Variants in QTMAN observed in about 807,000 individuals in gnomAD.
QTMAN encodes tRNA-queuosine alpha-mannosyltransferase.
At chr2:144,328,737 G>T in the QTMAN span, among the ~76,000 whole-genome samples, 1 of 151,994 alleles carries the variant, frequency 6.6e-6, no homozygotes, top group Admixed American at 6.6e-5. Flanking sequence ...CTACTCTACC[G>T]TACAACTGCT....
chr2:144,096,604 G>C, the QTMAN span, among the ~76,000 whole-genome samples: 1 of 152,178 alleles, frequency 6.6e-6, no homozygotes, highest in African/African-American at 2.4e-5. Context: ...CAAGTTTAAA[G>C]GTATCTAACA....
chr2:144,055,334 GACACACACACACACAC>G, the QTMAN span, among the ~76,000 whole-genome samples: 2 of 132,774 alleles, frequency 1.5e-5, no homozygotes, highest in Non-Finnish European at 3.3e-5. Flanking sequence ...CAGACACACA[GACACACACACACACAC>G]ACACACACAC....
chr2:144,107,739 C>G, the QTMAN span, among the ~76,000 whole-genome samples: 3 of 152,178 alleles, frequency 2.0e-5, no homozygotes, highest in South Asian at 2.1e-4. Flanking sequence ...AGGTATTCCT[C>G]CCTAACTCAT....
the QTMAN span, among the ~76,000 whole-genome samples, chr2:144,128,751 C>T: frequency 9.9e-5 from 15 of 151,960 alleles, no homozygotes; most frequent in South Asian, 2.1e-4. Context: ...GATACCCTTC[C>T]AGTTCTGAAA....
chr2:144,186,199 A>G, the QTMAN span, among the ~76,000 whole-genome samples: 22 of 152,242 alleles, frequency 1.4e-4, no homozygotes, highest in Admixed American at 3.3e-4. Context: ...TATTAGAGGT[A>G]CACACCTTAA....
At chr2:144,101,987 C>T in the QTMAN span, among the ~76,000 whole-genome samples, 1 of 152,168 alleles carries the variant, frequency 6.6e-6, no homozygotes, top group East Asian at 1.9e-4. Context: ...TTGATTAGTA[C>T]CTCACACTTA....
At chr2:144,182,808 A>AATATATATATATTATATATATATAAT in the QTMAN span, among the ~76,000 whole-genome samples, 1 of 52,528 alleles carries the variant, frequency 1.9e-5, no homozygotes, top group South Asian at 4.3e-4. Flanking sequence ...TTATATATAT[A>AATATATATATATTATATATATATAAT]ATATATATAT....
chr2:144,090,876 G>A, the QTMAN span, among the ~76,000 whole-genome samples: 2 of 151,958 alleles, frequency 1.3e-5, no homozygotes, highest in Middle Eastern at 3.4e-3. Context: ...GAAATGCAAA[G>A]AACTTAGAAT....
At chr2:144,159,366 G>A in the QTMAN span, among the ~76,000 whole-genome samples, 5 of 152,040 alleles carry the variant, frequency 3.3e-5, no homozygotes, top group Admixed American at 2.0e-4. Context: ...CTGGTTGGGA[G>A]CCACTTTTCC....
chr2:144,011,840 G>T, the QTMAN span: 1 of 541,278 alleles, frequency 1.8e-6, no homozygotes, highest in Non-Finnish European at 2.4e-6. Context: ...AAGGTCCCGA[G>T]GTAAGAAGTG....
At chr2:143,966,085 C>T in the QTMAN span, among the ~76,000 whole-genome samples, 1 of 152,092 alleles carries the variant, frequency 6.6e-6, no homozygotes, top group African/African-American at 2.4e-5. Context: ...AGGAATTTCT[C>T]ACCGTTATCA....
At chr2:144,223,972 T>C in the QTMAN span, among the ~76,000 whole-genome samples, 1 of 152,216 alleles carries the variant, frequency 6.6e-6, no homozygotes, top group Non-Finnish European at 1.5e-5. Flanking sequence ...GCAACAAGGA[T>C]TATTTTCTTG....
chr2:144,004,632 T>C, the QTMAN span, among the ~76,000 whole-genome samples: 9 of 151,988 alleles, frequency 5.9e-5, no homozygotes, highest in Non-Finnish European at 1.5e-5. Flanking sequence ...GAACAGTAAA[T>C]TTTGAAGAAA....
the QTMAN span, among the ~76,000 whole-genome samples, chr2:144,197,144 C>T: frequency 1.3e-5 from 2 of 152,054 alleles, no homozygotes; most frequent in Admixed American, 6.6e-5. Flanking sequence ...TATTTAATAT[C>T]GTAGGCAACT....
At chr2:144,177,084 C>T in the QTMAN span, 1 of 544,004 alleles carries the variant, frequency 1.8e-6, no homozygotes, top group South Asian at 1.6e-5. Flanking sequence ...AAGGACAGCA[C>T]CAAAGGGGAA....
At chr2:144,140,947 A>G in the QTMAN span, among the ~76,000 whole-genome samples, 1 of 152,054 alleles carries the variant, frequency 6.6e-6, no homozygotes, top group East Asian at 1.9e-4. Flanking sequence ...TAAATCAGCA[A>G]TGGGGTGCAG....
At chr2:144,108,107 A>C in the QTMAN span, among the ~76,000 whole-genome samples, 1 of 152,334 alleles carries the variant, frequency 6.6e-6, no homozygotes, top group South Asian at 2.1e-4. Flanking sequence ...ATGTATATCA[A>C]AATCATAAGA....
chr2:144,024,954 A>C, the QTMAN span, among the ~76,000 whole-genome samples: 1 of 152,204 alleles, frequency 6.6e-6, no homozygotes, highest in Non-Finnish European at 1.5e-5. Context: ...AAAAAATTAG[A>C]ATCCTTCTAT....
the QTMAN span, among the ~76,000 whole-genome samples, chr2:144,163,710 ATTTG>A: frequency 3.9e-5 from 6 of 152,304 alleles, no homozygotes; most frequent in African/African-American, 1.2e-4. Flanking sequence ...TCATCTCCAT[ATTTG>A]TTTAAAACCC....
Sources: gnomAD v4.1 joint callset for allele counts (sites outside exome capture counted in the v4.1 genomes callset) on GRCh38, gnomAD v4.1.1 for gene constraint, MANE v1.5 for transcripts, NCBI Gene and HGNC (gene_info 2026-07-23, HGNC 2026-07-21) for gene names.